OPCML: variants seen among roughly 807,000 people sequenced by gnomAD.
OPCML encodes opioid-binding protein/cell adhesion molecule.
Under a neutral mutation model 37.8 loss-of-function variants are expected in OPCML, and 13 were observed. The ratio of observed to expected loss-of-function variants is 0.34; its 90% CI spans 0.22 to 0.55. The LOEUF (loss-of-function observed/expected upper bound fraction) is 0.55, where lower values mean the gene tolerates loss of function less well. Among genes scored for constraint, OPCML ranks in the 20% least tolerant of loss-of-function variants. The pLI is 0.91. For synonymous variants in OPCML, 176 were observed against 168.8 expected (o/e 1.04, Z -0.33); for missense variants, 341 against 435.6 (o/e 0.78, Z 1.93).
At chr11:133,231,356 A>T (rs144136406) in intron 1 of OPCML, among the ~76,000 whole-genome samples, 2 of 152,254 alleles carry the variant, frequency 1.3e-5, no homozygotes, top group East Asian at 3.9e-4. Context: ...ATCCCTTCAC[A>T]TGTCATAACT....
intron 1 of OPCML, among the ~76,000 whole-genome samples, chr11:133,390,478 A>G (rs1275168993): frequency 6.6e-6 from 1 of 151,560 alleles, no homozygotes; most frequent in Non-Finnish European, 1.5e-5. Flanking sequence ...AAACAACAAC[A>G]ACGACAACAA....
intron 2 of OPCML, among the ~76,000 whole-genome samples, chr11:132,918,299 C>T (rs1944674094): frequency 6.6e-6 from 1 of 152,200 alleles, no homozygotes; most frequent in Non-Finnish European, 1.5e-5. Flanking sequence ...TTTTTCTACA[C>T]ATCTACTCTT....
chr11:132,997,178 C>T (rs1021060434), intron 1 of OPCML, among the ~76,000 whole-genome samples: 3 of 152,182 alleles, frequency 2.0e-5, no homozygotes, highest in South Asian at 4.1e-4. Context: ...AGATAGCCAT[C>T]ACTCCTGTGC....
chr11:133,098,911 T>C (rs921665374), intron 1 of OPCML, among the ~76,000 whole-genome samples: 4 of 152,170 alleles, frequency 2.6e-5, no homozygotes, highest in Non-Finnish European at 5.9e-5. Context: ...TGATCATCTA[T>C]GTAGCAAATA....
intron 4 of OPCML, among the ~76,000 whole-genome samples, chr11:132,438,126 G>A (rs190684890): frequency 1.3e-5 from 2 of 152,288 alleles, no homozygotes; most frequent in Admixed American, 6.5e-5. Flanking sequence ...AAAATATTAT[G>A]GGCTGCAAAA....
At chr11:133,530,332 A>AC (rs1037244412) in intron 1 of OPCML, among the ~76,000 whole-genome samples, 17 of 151,856 alleles carry the variant, frequency 1.1e-4, no homozygotes, top group Non-Finnish European at 2.1e-4. Flanking sequence ...ACTGGGGCTC[A>AC]CCCCCCGCCT....
chr11:132,537,692 C>A (rs577899427), intron 3 of OPCML, among the ~76,000 whole-genome samples: 4 of 152,230 alleles, frequency 2.6e-5, no homozygotes, highest in Non-Finnish European at 4.4e-5. Flanking sequence ...TAATAACGGA[C>A]TACTGTCAAA....
chr11:133,296,026 G>A (rs1202169520), intron 1 of OPCML, among the ~76,000 whole-genome samples: 12 of 152,092 alleles, frequency 7.9e-5, no homozygotes, highest in Non-Finnish European at 2.9e-5. Flanking sequence ...TAGTTTTACT[G>A]AAAATTATCC....
At chr11:132,917,870 C>T (rs919208998) in intron 2 of OPCML, among the ~76,000 whole-genome samples, 1 of 152,132 alleles carries the variant, frequency 6.6e-6, no homozygotes, top group East Asian at 1.9e-4. Context: ...TACTTCTGCC[C>T]TGAAATGAAA....
intron 4 of OPCML, among the ~76,000 whole-genome samples, chr11:132,466,485 G>GAAA (rs61036161): frequency 7.4e-6 from 1 of 135,064 alleles, no homozygotes; most frequent in African/African-American, 2.7e-5. Context: ...CTCCGTCTCG[G>GAAA]AAAAAAAAAA....
intron 1 of OPCML, among the ~76,000 whole-genome samples, chr11:133,058,481 G>T (rs940853285): frequency 1.3e-5 from 2 of 152,180 alleles, no homozygotes; most frequent in East Asian, 3.8e-4. Context: ...GGGCGGGCAG[G>T]TGTCACATCG....
chr11:133,229,701 G>A (rs545184980), intron 1 of OPCML, among the ~76,000 whole-genome samples: 8 of 152,160 alleles, frequency 5.3e-5, no homozygotes, highest in East Asian at 1.9e-4. Context: ...ATTTGGTACC[G>A]TTGGCAGCTT....
chr11:133,379,888 C>G (rs748309249), intron 1 of OPCML, among the ~76,000 whole-genome samples: 26 of 152,186 alleles, frequency 1.7e-4, no homozygotes, highest in African/African-American at 5.8e-4. Context: ...GACCATAGAA[C>G]TCTTTCTGGA....
intron 1 of OPCML, chr11:133,365,794 T>G (rs1233989729): frequency 6.6e-6 from 1 of 152,228 alleles, no homozygotes; most frequent in African/African-American, 2.4e-5. Flanking sequence ...AGATGGCTGC[T>G]GACAAAAAGA....
intron 4 of OPCML, among the ~76,000 whole-genome samples, chr11:132,453,176 C>T (rs1256649467): frequency 6.6e-6 from 1 of 152,144 alleles, no homozygotes; most frequent in Non-Finnish European, 1.5e-5. Context: ...CATGTTAGAG[C>T]AGTAATTCTC....
At chr11:132,486,459 C>T (rs948843441) in intron 4 of OPCML, among the ~76,000 whole-genome samples, 1 of 151,782 alleles carries the variant, frequency 6.6e-6, no homozygotes, top group African/African-American at 2.4e-5. Context: ...TTAAACCATA[C>T]TTTTATAATC....
At position 133,024,367 on chromosome 11, in the gene OPCML, T is replaced by C. The variant is rs987782224; in HGVS notation, c.62-81357A>G. ...ACAGGTGAAACAGCACACGTGTCCATTGAACTTAACTCATTAGGATGGAGA... is the reference window on the plus strand; with the variant it reads ...ACAGGTGAAACAGCACACGTGTCCACTGAACTTAACTCATTAGGATGGAGA... On this transcript the variant is annotated intron_variant, in intron 1 of 7. Transcript: ENST00000524381. The C allele has an allele frequency of 3.3e-5, 33 of 985,138 alleles. 1 individual carries two copies. Among genetic ancestry groups the C allele is most frequent in the Non-Finnish European group, 3.7e-5 (31 of 829,906 alleles). 61.0% of individuals were successfully genotyped at this position (985,138 alleles called of 1,614,324 possible). A position where few individuals can be genotyped will look rare whatever the true frequency, so the allele number is the denominator to read the frequency against.
chr11:133,506,105 C>G (rs1455835405), intron 1 of OPCML, among the ~76,000 whole-genome samples: 1 of 152,170 alleles, frequency 6.6e-6, no homozygotes, highest in Non-Finnish European at 1.5e-5. Context: ...ATGTCCCTCT[C>G]CATCAGTAGC....
At chr11:133,419,619 G>C (rs7928505) in intron 1 of OPCML, among the ~76,000 whole-genome samples, 10,009 of 152,158 alleles carry the variant, frequency 0.066, 933 homozygotes, top group African/African-American at 0.2. Flanking sequence ...GCCCCCTTCT[G>C]AACTCTGTGT....
Sources: allele counts gnomAD v4.1 joint callset (sites outside exome capture counted in the v4.1 genomes callset), GRCh38; gene constraint gnomAD v4.1.1; transcripts MANE v1.5; gene names NCBI Gene and HGNC (gene_info 2026-07-23, HGNC 2026-07-21).